Variants in BLTP3A observed in about 807,000 individuals in gnomAD.
The protein encoded by BLTP3A is bridge-like lipid transfer protein family member 3A.
chr6:34,850,730 T>G, the BLTP3A span, among the ~76,000 whole-genome samples: 1 of 152,184 alleles, frequency 6.6e-6, no homozygotes, highest in South Asian at 2.1e-4. Flanking sequence ...AGGTTCTCAC[T>G]CTGTTGCCCA....
the BLTP3A span, among the ~76,000 whole-genome samples, chr6:34,863,074 C>G: frequency 4.6e-5 from 7 of 151,830 alleles, no homozygotes; most frequent in African/African-American, 1.7e-4. Flanking sequence ...CCTGGCTAAT[C>G]TTTGTATTTT....
the BLTP3A span, chr6:34,822,060 T>A: frequency 1.5e-6 from 2 of 1,326,438 alleles, no homozygotes; most frequent in Middle Eastern, 1.8e-4. Flanking sequence ...GAATGGTGGG[T>A]GTCTCCTTAT....
At chr6:34,832,882 TG>T in the BLTP3A span, among the ~76,000 whole-genome samples, 1 of 152,232 alleles carries the variant, frequency 6.6e-6, no homozygotes, top group African/African-American at 2.4e-5. Context: ...TATTAGTTCT[TG>T]GTGACATAAA....
chr6:34,808,346 C>CAAAAAAAAAAAAAAAAAA, the BLTP3A span, among the ~76,000 whole-genome samples: 2 of 26,720 alleles, frequency 7.5e-5, no homozygotes, highest in African/African-American at 1.5e-4. Flanking sequence ...AACTCCGTCT[C>CAAAAAAAAAAAAAAAAAA]AAAAAAAAAA....
At chr6:34,847,935 T>TTTTTTTTTTTTTTTTTTTA in the BLTP3A span, among the ~76,000 whole-genome samples, 1 of 140,760 alleles carries the variant, frequency 7.1e-6, no homozygotes, top group African/African-American at 2.7e-5. Context: ...TTTTTTTTTT[T>TTTTTTTTTTTTTTTTTTTA]TTTTTGAGAT....
the BLTP3A span, chr6:34,857,955 C>A: frequency 1.9e-6 from 3 of 1,595,496 alleles, no homozygotes; most frequent in Admixed American, 5.1e-5. Context: ...CTGTTAGTAG[C>A]CACAGCTGCA....
At chr6:34,836,207 GGCAGCCAGGGCAACAGCAACAGCAGCA>G in the BLTP3A span, 7 of 1,614,196 alleles carry the variant, frequency 4.3e-6, no homozygotes, top group Non-Finnish European at 5.9e-6. Context: ...GGCATTTGGT[GGCAGCCAGGGCAACAGCAACAGCAGCA>G]GCAGCCGCCT....
At chr6:34,875,725 T>TA in the BLTP3A span, 1 of 152,178 alleles carries the variant, frequency 6.6e-6, no homozygotes, top group Non-Finnish European at 1.5e-5. Flanking sequence ...GGAAATGTGA[T>TA]AGGGGATATT....
At chr6:34,814,323 A>AT in the BLTP3A span, among the ~76,000 whole-genome samples, 27 of 151,992 alleles carry the variant, frequency 1.8e-4, no homozygotes, top group East Asian at 4.6e-3. Context: ...ACCATCTTTT[A>AT]TTTTTTTTAA....
At chr6:34,817,850 A>G in the BLTP3A span, among the ~76,000 whole-genome samples, 7 of 132,024 alleles carry the variant, frequency 5.3e-5, no homozygotes, top group African/African-American at 2.4e-4. Context: ...GACGTGTAGG[A>G]ATTTTTTTTT....
the BLTP3A span, among the ~76,000 whole-genome samples, chr6:34,868,132 C>T: frequency 2.0e-5 from 3 of 150,918 alleles, no homozygotes; most frequent in Non-Finnish European, 1.5e-5. Flanking sequence ...CATGGTAAAA[C>T]GCTGTCTCTA....
At chr6:34,811,374 A>C in the BLTP3A span, among the ~76,000 whole-genome samples, 1 of 152,232 alleles carries the variant, frequency 6.6e-6, no homozygotes, top group African/African-American at 2.4e-5. Context: ...ATGAAGCTGC[A>C]GTATTAAAGA....
the BLTP3A span, chr6:34,857,482 G>A: frequency 1.2e-6 from 2 of 1,612,918 alleles, no homozygotes; most frequent in East Asian, 2.2e-5. Context: ...TAAGCATCTA[G>A]GCTGGCTATT....
At chr6:34,853,610 G>C in the BLTP3A span, among the ~76,000 whole-genome samples, 5 of 151,840 alleles carry the variant, frequency 3.3e-5, no homozygotes, top group Non-Finnish European at 7.4e-5. Context: ...ACCTAGGCTG[G>C]AGTGCAATGG....
the BLTP3A span, among the ~76,000 whole-genome samples, chr6:34,824,200 G>C: frequency 2.6e-5 from 4 of 151,930 alleles, no homozygotes; most frequent in Non-Finnish European, 5.9e-5. Context: ...GTCTTTAACA[G>C]ACAAGGCCTG....
chr6:34,798,358 A>G, the BLTP3A span, among the ~76,000 whole-genome samples: 1 of 152,216 alleles, frequency 6.6e-6, no homozygotes, highest in Non-Finnish European at 1.5e-5. Flanking sequence ...ACATTCTAGT[A>G]CATGTCCTTT....
chr6:34,861,699 A>G, the BLTP3A span, among the ~76,000 whole-genome samples: 5 of 152,136 alleles, frequency 3.3e-5, no homozygotes, highest in African/African-American at 9.7e-5. Context: ...TATTCACTCA[A>G]TGTTTTATTA....
the BLTP3A span, among the ~76,000 whole-genome samples, chr6:34,805,954 GCA>G: frequency 6.6e-6 from 1 of 151,842 alleles, no homozygotes; most frequent in Admixed American, 6.6e-5. Context: ...TAAGCACTTT[GCA>G]CACCTAATTC....
At chr6:34,800,601 T>A in the BLTP3A span, among the ~76,000 whole-genome samples, 1 of 152,220 alleles carries the variant, frequency 6.6e-6, no homozygotes, top group African/African-American at 2.4e-5. Context: ...AACACAGATA[T>A]TAAAGTACCG....
Sources: gnomAD v4.1 joint callset for allele counts (sites outside exome capture counted in the v4.1 genomes callset) on GRCh38, gnomAD v4.1.1 for gene constraint, MANE v1.5 for transcripts, NCBI Gene and HGNC (gene_info 2026-07-23, HGNC 2026-07-21) for gene names.